The following TMEM237 variants were observed in gnomAD, a reference collection of about 807,000 sequenced individuals.
TMEM237 encodes the protein transmembrane protein 237, also known as amyotrophic lateral sclerosis 2 (juvenile) chromosome region, candidate 4.
Under a neutral mutation model 59.1 loss-of-function variants are expected in TMEM237, and 51 were observed. That is an observed-to-expected ratio of 0.86 (90% CI 0.69 to 1.09). TMEM237 has a LOEUF of 1.09. TMEM237 is among the 50% of genes least tolerant of loss of function. The pLI is 0.00. For synonymous variants in TMEM237, 140 were observed against 166.1 expected, an observed-to-expected ratio of 0.84 and a Z score of 1.21; for missense variants, 475 against 478.3, an observed-to-expected ratio of 0.99 and a Z score of 0.06.
intron 1 of TMEM237, chr2:201,642,830 G>T (rs1687457669): frequency 5.9e-6 from 8 of 1,345,706 alleles, no homozygotes; most frequent in Non-Finnish European, 7.6e-6. Context: ...CTGCCAAAAA[G>T]GGGGCCTCGG....
At chr2:201,631,406 C>CA (rs1957806681) in intron 7 of TMEM237, 1 of 152,178 alleles carries the variant, frequency 6.6e-6, no homozygotes, top group South Asian at 2.1e-4. Flanking sequence ...AAATACACTG[C>CA]AAACCTAGTA....
At chr2:201,639,872 T>C (rs547057846) in intron 3 of TMEM237, among the ~76,000 whole-genome samples, 2 of 152,330 alleles carry the variant, frequency 1.3e-5, no homozygotes, top group South Asian at 4.1e-4. Context: ...TGGTCCCCCA[T>C]TTTTGCCATA....
Position 201,624,132 on chromosome 2 carries a change from G to A in TMEM237, c.*123C>T. Reference sequence around the variant, plus strand: ...AACATTTTTCATAATATTGAGAGATGTTTCAGTATTATATAATCAAAAAAT... The same window carrying A: ...AACATTTTTCATAATATTGAGAGATATTTCAGTATTATATAATCAAAAAAT... On this transcript the variant is annotated 3_prime_UTR_variant, in exon 13 of 13. Transcript: ENST00000409883. 1 of 547,728 alleles carries A rather than the reference G, an allele frequency of 1.8e-6. No individual in the cohort carries two copies. The highest frequency in any genetic ancestry group is 3.0e-6 in the Non-Finnish European group (1 of 329,078). The allele number at this position is 547,728 out of a possible 1,614,324, so 33.9% of individuals were successfully genotyped here.
chr2:201,639,431 G>C (rs1402710734), intron 3 of TMEM237, among the ~76,000 whole-genome samples: 1 of 152,208 alleles, frequency 6.6e-6, no homozygotes, highest in Non-Finnish European at 1.5e-5. Flanking sequence ...TAATCTTCCA[G>C]CTTTCTCTTC....
chr2:201,629,604 T>C (rs1464888863), intron 8 of TMEM237, 125 bp downstream of exon 8: 33 of 1,373,562 alleles, frequency 2.4e-5, no homozygotes, highest in Non-Finnish European at 3.1e-5. Flanking sequence ...TTAAAAAATA[T>C]ACCTACCTAC....
At chr2:201,627,240 T>G in intron 11 of TMEM237, 81 bp downstream of exon 11, 1 of 951,634 alleles carries the variant, frequency 1.1e-6, no homozygotes, top group Non-Finnish European at 1.6e-6. Context: ...CTTCATTATT[T>G]GCAGTTGAAA....
chr2:201,643,384 C>CA lies in TMEM237; in HGVS notation c.16_17insT (p.Gly6ValfsTer23), dbSNP rs1687474359. 6.5e-7 allele frequency: 1 copy of CA among 1,546,032 alleles called. No individual in the cohort carries two copies. The highest frequency in any genetic ancestry group is 1.4e-5 in the African/African-American group (1 of 72,526). ...CAGGTGGCCCTCCTCCAGCCGAGCCCCCGAGTCAGTCCTCATGGTGCTCTC... is the reference window on the plus strand; with the variant it reads ...CAGGTGGCCCTCCTCCAGCCGAGCCCACCGAGTCAGTCCTCATGGTGCTCTC... On this transcript the variant is annotated frameshift_variant, in exon 1 of 13. Coordinates refer to ENST00000409883, the MANE Select transcript of TMEM237 (RefSeq NM_001044385.3). LOFTEE classifies it high-confidence loss of function. This position sits in a 1 kb window ranked among gnomAD's most constrained non-coding sequence, Gnocchi z 4.3.
chr2:201,643,281 C>CG lies in TMEM237; in HGVS notation c.42+77_42+78insC, dbSNP rs1687469526. On this transcript the variant is annotated intron_variant, in intron 1 of 12. Transcript: ENST00000409883. This position sits in a 1 kb window ranked among gnomAD's most constrained non-coding sequence, Gnocchi z 4.3. ...GATTCCCAGCTCGTTGGCGCCCCCC[C>CG]ACACACACCCACCCCCACTGCCAAG... 1 of 1,335,536 alleles carries CG rather than the reference C, an allele frequency of 7.5e-7. No homozygotes were observed. The highest frequency in any genetic ancestry group is 1.0e-6 in the Non-Finnish European group (1 of 960,534). The allele number at this position is 1,335,536 out of a possible 1,614,324, so 82.7% of individuals were successfully genotyped here. A position where few individuals can be genotyped will look rare whatever the true frequency, so the allele number is the denominator to read the frequency against.
intron 4 of TMEM237, among the ~76,000 whole-genome samples, chr2:201,637,484 C>T (rs1028914553): frequency 1.3e-5 from 2 of 152,188 alleles, no homozygotes; most frequent in Non-Finnish European, 1.5e-5. Context: ...TGGCTCATGC[C>T]TGGAATCCCA....
chr2:201,633,551 T>C, intron 5 of TMEM237, 120 bp from the exon 6 acceptor site: 1 of 742,420 alleles, frequency 1.3e-6, no homozygotes, highest in Non-Finnish European at 1.9e-6. Context: ...ATGTTTTCAC[T>C]ATCTTACAAA....
In TMEM237 at chr2:201,632,320, A is replaced by T. The variant is rs1486020536; in HGVS notation, c.396-112T>A. ...AAGGGCCCTGGACTTGGAGTTAAGA[A>T]ATGTGGTTTTTACTCAAATAAATCG... On this transcript the variant is annotated intron_variant, in intron 6 of 12. Transcript: ENST00000409883. The T allele has an allele frequency of 4.1e-6, 5 of 1,214,858 alleles. No homozygotes were observed. The African/African-American group carries it at 7.6e-5, about 18-fold the overall frequency. The allele number at this position is 1,214,858 out of a possible 1,614,324, so 75.3% of individuals were successfully genotyped here.
chr2:201,629,375 A>T lies in TMEM237; in HGVS notation c.724T>A (p.Trp242Arg), dbSNP rs1267663855. The T allele has an allele frequency of 6.2e-7, 1 of 1,601,230 alleles. No individual in the cohort carries two copies. The highest frequency in any genetic ancestry group is 2.2e-5 in the East Asian group (1 of 44,766). Residue 242 changes from tryptophan to arginine, a missense_variant, in exon 9 of 13, where the codon TGG becomes AGG. Coordinates refer to ENST00000409883, the MANE Select transcript of TMEM237 (RefSeq NM_001044385.3). ...AGAACATATATCACAACAATATTCC[A>T]CACAGCACAGCCAGCCAAGAATCCA... ...SHGFLAGCAV[W>R]NIVVIYVLAG...
In TMEM237 at chr2:201,633,400, T is replaced by C; in HGVS notation, c.306A>G (p.Ser102=). 6.4e-7 allele frequency: 1 copy of C among 1,572,812 alleles called. No homozygotes were observed. Among genetic ancestry groups the C allele is most frequent in the Non-Finnish European group, 8.6e-7 (1 of 1,158,312 alleles). The part of the protein sequence containing the change: ...ELETSSTQKK[S]SSSSLLRNEN... ...CATTTCGTAATAAAGATGAACTAGA[T>C]GACTTCTTTTGGGTGGAGGAAGTCT... Residue 102 remains serine (S), a synonymous_variant, in exon 6 of 13, where the codon TCA becomes TCG. Transcript: ENST00000409883.
intron 4 of TMEM237, among the ~76,000 whole-genome samples, chr2:201,637,541 C>T (rs181282648): frequency 5.3e-5 from 8 of 152,186 alleles, no homozygotes; most frequent in African/African-American, 1.4e-4. Flanking sequence ...GTCAAGAGTT[C>T]GAAACCAGCC....
At chr2:201,630,664 A>G (rs894075265) in intron 7 of TMEM237, among the ~76,000 whole-genome samples, 3 of 152,206 alleles carry the variant, frequency 2.0e-5, no homozygotes, top group Non-Finnish European at 4.4e-5. Flanking sequence ...TTTCTATGCT[A>G]AGTGAAGCAA....
At chr2:201,632,573 C>T (rs1957817254) in intron 6 of TMEM237, among the ~76,000 whole-genome samples, 1 of 152,156 alleles carries the variant, frequency 6.6e-6, no homozygotes, top group Non-Finnish European at 1.5e-5. Context: ...AGTGAGTTCT[C>T]AGGAGATCTG....
intron 4 of TMEM237, among the ~76,000 whole-genome samples, chr2:201,637,429 T>C (rs1256284703): frequency 6.6e-6 from 1 of 152,186 alleles, no homozygotes; most frequent in African/African-American, 2.4e-5. Flanking sequence ...TTCCCTTCCT[T>C]GCTTGTCTTC....
chr2:201,627,507 A>G lies in TMEM237; in HGVS notation c.944-93T>C, dbSNP rs373155103. On this transcript the variant is annotated intron_variant, in intron 10 of 12. Transcript: ENST00000409883. ...AATATCGAAAATAATCTATACTTTC[A>G]TGACTGATGATATAAAAGAAATTTA... 6.5e-4 allele frequency: 501 copies of G among 771,958 alleles called. 4 individuals are homozygous for G. The African/African-American group carries it at 7.3e-3, about 11-fold the overall frequency. The allele number at this position is 771,958 out of a possible 1,614,324, so 47.8% of individuals were successfully genotyped here.
rs890363436 is a variant in TMEM237 at position 201,642,992 on chromosome 2, G to T, written c.42+367C>A. Reference sequence around the variant, plus strand: ...AATTAAAGGACTCCGCAGGCGAACAGATCTCTTCTGGGCAGCTACAGACCT... The same window carrying T: ...AATTAAAGGACTCCGCAGGCGAACATATCTCTTCTGGGCAGCTACAGACCT... On this transcript the variant is annotated intron_variant, in intron 1 of 12. Coordinates refer to ENST00000409883, the MANE Select transcript of TMEM237 (RefSeq NM_001044385.3). 2.5e-5 allele frequency: 32 copies of T among 1,299,072 alleles called. No homozygotes were observed. The African/African-American group carries it at 4.7e-4, about 19-fold the overall frequency. The allele number at this position is 1,299,072 out of a possible 1,614,324, so 80.5% of individuals were successfully genotyped here.
Sources: allele counts gnomAD v4.1 joint callset (sites outside exome capture counted in the v4.1 genomes callset), GRCh38; gene constraint gnomAD v4.1.1; non-coding constraint Gnocchi (gnomAD v3.1); transcripts MANE v1.5; gene names NCBI Gene and HGNC (gene_info 2026-07-23, HGNC 2026-07-21).